Variants in OTOP1 observed in about 807,000 individuals in gnomAD.
OTOP1 encodes otopetrin 1.
OTOP1 carries 59 observed loss-of-function variants against 52.9 expected under a neutral mutation model. That is an observed-to-expected ratio of 1.12 (90% CI 0.91 to 1.39). The LOEUF (loss-of-function observed/expected upper bound fraction) is 1.39, where lower values mean the gene tolerates loss of function less well. OTOP1 is among the 40% of genes most tolerant of loss of function. The pLI, the probability that OTOP1 is intolerant of heterozygous loss-of-function variation, is 0.00. For synonymous variants in OTOP1, 317 were observed against 337.7 expected, an observed-to-expected ratio of 0.94 and a Z score of 0.67; for missense variants, 761 against 800.9, an observed-to-expected ratio of 0.95 and a Z score of 0.60.
At chr4:4,226,148 C>G (rs1717427973) in intron 1 of OTOP1, among the ~76,000 whole-genome samples, 1 of 152,116 alleles carries the variant, frequency 6.6e-6, no homozygotes, top group Admixed American at 6.5e-5. Flanking sequence ...GGAGAGGGAG[C>G]GTGGCCTCCA....
chr4:4,202,710 G>C (rs1289810590), intron 3 of OTOP1, 132 bp from the exon 4 acceptor site: 3 of 1,178,976 alleles, frequency 2.5e-6, no homozygotes, highest in East Asian at 2.6e-5. Flanking sequence ...GGCAGTTCAG[G>C]CTCTGGGTGG....
chr4:4,218,877 C>T (rs78010373), intron 1 of OTOP1, among the ~76,000 whole-genome samples: 71,802 of 151,504 alleles, frequency 0.47, 19,357 homozygotes, highest in Non-Finnish European at 0.62. Flanking sequence ...TGCAGTGAGC[C>T]AAGATCATGC....
intron 1 of OTOP1, among the ~76,000 whole-genome samples, chr4:4,221,698 C>T (rs1717305074): frequency 6.6e-6 from 1 of 152,208 alleles, no homozygotes. Flanking sequence ...TCCACCTGAG[C>T]AGAGCCTTTC....
At chr4:4,193,290 C>T (rs1393037810) in intron 5 of OTOP1, among the ~76,000 whole-genome samples, 2 of 152,150 alleles carry the variant, frequency 1.3e-5, no homozygotes, top group Admixed American at 6.5e-5. Context: ...CCCATCTACA[C>T]CATTCCTTAG....
chr4:4,221,061 T>C (rs1717291504), intron 1 of OTOP1, among the ~76,000 whole-genome samples: 1 of 137,282 alleles, frequency 7.3e-6, no homozygotes, highest in Non-Finnish European at 1.6e-5. Flanking sequence ...TTTTATTTTA[T>C]TTTATTTTAT....
chr4:4,220,097 A>AT (rs1560211564), intron 1 of OTOP1, among the ~76,000 whole-genome samples: 7 of 98,222 alleles, frequency 7.1e-5, no homozygotes, highest in Admixed American at 3.4e-4. Flanking sequence ...ATATATATAT[A>AT]TATATATATT....
intron 1 of OTOP1, among the ~76,000 whole-genome samples, chr4:4,224,810 G>A (rs905006814): frequency 2.0e-4 from 30 of 151,940 alleles, no homozygotes; most frequent in African/African-American, 7.0e-4. Flanking sequence ...AAACGGACAA[G>A]GACCAAAAGA....
chr4:4,216,868 C>T (rs1717164794), intron 1 of OTOP1, among the ~76,000 whole-genome samples: 1 of 152,214 alleles, frequency 6.6e-6, no homozygotes, highest in Admixed American at 6.5e-5. Flanking sequence ...GGATGGTCCA[C>T]AGCAGTGGTT....
At chr4:4,191,654 T>TAA (rs1302596914) in intron 5 of OTOP1, among the ~76,000 whole-genome samples, 1 of 152,204 alleles carries the variant, frequency 6.6e-6, no homozygotes, top group East Asian at 1.9e-4. Context: ...GCCTTCTCAC[T>TAA]AAGCTGGTCC....
intron 3 of OTOP1, among the ~76,000 whole-genome samples, chr4:4,205,717 G>C (rs1468635934): frequency 6.6e-6 from 1 of 152,168 alleles, no homozygotes. Context: ...TCTGACCTTT[G>C]TTTTCAGGAC....
intron 5 of OTOP1, among the ~76,000 whole-genome samples, chr4:4,195,478 C>A (rs112800200): frequency 6.6e-6 from 1 of 152,196 alleles, no homozygotes; most frequent in Non-Finnish European, 1.5e-5. Flanking sequence ...AGAGACACTG[C>A]CTGGCACCAG....
intron 4 of OTOP1, among the ~76,000 whole-genome samples, chr4:4,201,198 G>C (rs1350419277): frequency 6.6e-6 from 1 of 152,172 alleles, no homozygotes; most frequent in African/African-American, 2.4e-5. Context: ...GGAGGCCAAG[G>C]CAGGTGGATC....
intron 1 of OTOP1, among the ~76,000 whole-genome samples, chr4:4,220,164 G>C (rs1374469728): frequency 7.2e-6 from 1 of 139,612 alleles, no homozygotes; most frequent in African/African-American, 2.7e-5. Flanking sequence ...GTGCAATGGC[G>C]CAAGCTCTGC....
At chr4:4,201,485 C>CACACACACACACACACACAT (rs1716787770) in intron 4 of OTOP1, among the ~76,000 whole-genome samples, 1 of 150,774 alleles carries the variant, frequency 6.6e-6, no homozygotes, top group Non-Finnish European at 1.5e-5. Flanking sequence ...CACACACACA[C>CACACACACACACACACACAT]ACACACACAC....
In OTOP1 at chr4:4,190,405, C is replaced by T. The variant is rs372014520; in HGVS notation, c.1669-1432G>A. 1.8e-3 allele frequency among the ~76,000 whole-genome samples: 267 copies of T among 152,232 alleles called. 6 individuals are homozygous for T. The South Asian group carries it at 0.042, about 24-fold the overall frequency. ...AGGAGAATCCCTTGAACCCGGGAGGCGAAGCTTGCAGTAAGCCAAGATCAT... is the reference window on the plus strand; with the variant it reads ...AGGAGAATCCCTTGAACCCGGGAGGTGAAGCTTGCAGTAAGCCAAGATCAT... On this transcript the variant is annotated intron_variant, in intron 5 of 5. Coordinates refer to ENST00000296358, the MANE Select transcript of OTOP1 (RefSeq NM_177998.3).
Position 4,190,769 on chromosome 4 carries a change from C to T in OTOP1, c.1669-1796G>A, listed in dbSNP as rs557155471. Among the ~76,000 whole-genome samples, 3 of 152,292 alleles carry T rather than the reference C, an allele frequency of 2.0e-5. No individual in the cohort carries two copies. The South Asian group carries it at 6.2e-4, about 32-fold the overall frequency. On this transcript the variant is annotated intron_variant, in intron 5 of 5. Transcript: ENST00000296358. ...AGACCCCTCTCTTTTACTTTGCTTA[C>T]TGGCTGCTGTGACCCTTAGGGGCTC...
intron 1 of OTOP1, among the ~76,000 whole-genome samples, chr4:4,218,675 C>T (rs943971860): frequency 1.3e-4 from 20 of 152,128 alleles, no homozygotes; most frequent in African/African-American, 4.3e-4. Context: ...CACCTATAAT[C>T]CTGGCACTTT....
chr4:4,207,487 T>C (rs1716931889), intron 2 of OTOP1, among the ~76,000 whole-genome samples: 1 of 152,202 alleles, frequency 6.6e-6, no homozygotes, highest in African/African-American at 2.4e-5. Flanking sequence ...GGTGCATTTT[T>C]ATTATCTTTC....
chr4:4,204,356 C>T (rs1166277601), intron 3 of OTOP1, among the ~76,000 whole-genome samples: 12 of 152,146 alleles, frequency 7.9e-5, no homozygotes, highest in Admixed American at 3.9e-4. Flanking sequence ...CTTTGACAAA[C>T]GCAGACAATG....
Sources: allele counts gnomAD v4.1 joint callset (sites outside exome capture counted in the v4.1 genomes callset), GRCh38; gene constraint gnomAD v4.1.1; transcripts MANE v1.5; gene names NCBI Gene and HGNC (gene_info 2026-07-23, HGNC 2026-07-21).